EYA1: variants seen among roughly 807,000 people sequenced by gnomAD.
The protein encoded by EYA1 is EYA transcriptional coactivator and phosphatase 1.
Under a neutral mutation model 82.0 loss-of-function variants are expected in EYA1, and 16 were observed. That is an observed-to-expected ratio of 0.20 (90% CI 0.13 to 0.30). The LOEUF is 0.30. EYA1 is among the 10% of genes least tolerant of loss of function. EYA1 has a pLI of 1.00. For synonymous variants in EYA1, 261 were observed against 264.4 expected, an observed-to-expected ratio of 0.99 and a Z score of 0.12; for missense variants, 633 against 730.7, an observed-to-expected ratio of 0.87 and a Z score of 1.54.
chr8:71,381,857 G>A (rs555814986), intron 2 of EYA1, among the ~76,000 whole-genome samples: 1 of 152,142 alleles, frequency 6.6e-6, no homozygotes, highest in East Asian at 1.9e-4. Flanking sequence ...GGGATTTATT[G>A]GTATTTTAGT....
At chr8:71,316,470 G>C (rs1821940048) in intron 7 of EYA1, among the ~76,000 whole-genome samples, 1 of 152,120 alleles carries the variant, frequency 6.6e-6, no homozygotes, top group Non-Finnish European at 1.5e-5. Flanking sequence ...GATGTGAAAA[G>C]ATGATTAAAA....
At chr8:71,530,068 G>A (rs1268534928) in intron 2 of EYA1, 1 of 152,166 alleles carries the variant, frequency 6.6e-6, no homozygotes, top group East Asian at 1.9e-4. Context: ...CAGTATCTGT[G>A]ACTGTGACTT....
At chr8:71,464,198 G>A (rs1202285489) in intron 2 of EYA1, among the ~76,000 whole-genome samples, 1 of 151,954 alleles carries the variant, frequency 6.6e-6, no homozygotes, top group Non-Finnish European at 1.5e-5. Flanking sequence ...CTCTTCAAGG[G>A]GCCCCTTCCC....
chr8:71,263,011 C>A (rs993806388), intron 11 of EYA1, among the ~76,000 whole-genome samples: 3 of 152,246 alleles, frequency 2.0e-5, no homozygotes, highest in African/African-American at 7.2e-5. Flanking sequence ...AGAGCCACCA[C>A]TCACATAGCC....
chr8:71,269,312 T>C (rs910084352), intron 11 of EYA1, among the ~76,000 whole-genome samples: 7 of 152,214 alleles, frequency 4.6e-5, no homozygotes, highest in African/African-American at 1.7e-4. Context: ...TTTGTAGCAG[T>C]TGTTTTGAAG....
intron 3 of EYA1, 31 bp downstream of exon 3, chr8:71,354,751 C>G (rs1024534015): frequency 6.2e-7 from 1 of 1,607,506 alleles, no homozygotes; most frequent in Admixed American, 1.7e-5. Flanking sequence ...AAACAAGGTG[C>G]AAAGTAAATA....
intron 2 of EYA1, among the ~76,000 whole-genome samples, chr8:71,423,585 T>C (rs533684622): frequency 1.3e-5 from 2 of 152,204 alleles, no homozygotes; most frequent in Admixed American, 6.5e-5. Flanking sequence ...ATTTTCTTCA[T>C]ATTGTGATTG....
In EYA1 at chr8:71,216,690, G is replaced by A. The variant is rs727503045; in HGVS notation, c.1360+2C>T. 35 of 1,613,800 alleles carry A rather than the reference G, an allele frequency of 2.2e-5. No homozygotes were observed. The South Asian group carries it at 3.6e-4, about 17-fold the overall frequency. Reference sequence around the variant, plus strand: ...GCTGAGGTACTGGTGGTAATCACTTGCCTCCAACATTATTTTTGTAGGTGT... The same window carrying A: ...GCTGAGGTACTGGTGGTAATCACTTACCTCCAACATTATTTTTGTAGGTGT... On this transcript the variant is annotated splice_donor_variant, in intron 14 of 17. Transcript: ENST00000340726. LOFTEE classifies it low-confidence loss of function (GC_TO_GT_DONOR).
chr8:71,259,169 T>A (rs1814797317), intron 11 of EYA1, among the ~76,000 whole-genome samples: 1 of 152,168 alleles, frequency 6.6e-6, no homozygotes, highest in South Asian at 2.1e-4. Flanking sequence ...CTGAACTCTG[T>A]CTATGGTCAA....
At chr8:71,327,178 C>A (rs915440078) in intron 4 of EYA1, among the ~76,000 whole-genome samples, 1 of 152,222 alleles carries the variant, frequency 6.6e-6, no homozygotes, top group African/African-American at 2.4e-5. Context: ...AGGGCAGAGA[C>A]CCTGTCTACC....
intron 11 of EYA1, among the ~76,000 whole-genome samples, chr8:71,264,622 G>A (rs1392720557): frequency 2.0e-5 from 3 of 150,796 alleles, no homozygotes; most frequent in Non-Finnish European, 4.4e-5. Flanking sequence ...CTGTCACCCA[G>A]GCTGGAATGC....
At chr8:71,488,418 A>G (rs542557145) in intron 2 of EYA1, among the ~76,000 whole-genome samples, 69 of 152,236 alleles carry the variant, frequency 4.5e-4, no homozygotes, top group Non-Finnish European at 9.1e-4. Flanking sequence ...AAAAGAATGA[A>G]CAACTGCTAA....
At chr8:71,218,640 C>T (rs1027341778) in intron 12 of EYA1, among the ~76,000 whole-genome samples, 1 of 152,120 alleles carries the variant, frequency 6.6e-6, no homozygotes, top group African/African-American at 2.4e-5. Flanking sequence ...ATTTTAAAAA[C>T]AGGTCATTCT....
At chr8:71,537,829 G>T (rs1198368043) in intron 1 of EYA1, among the ~76,000 whole-genome samples, 1 of 152,116 alleles carries the variant, frequency 6.6e-6, no homozygotes, top group Non-Finnish European at 1.5e-5. Context: ...GAATGGTCAA[G>T]TTACATGAGC....
chr8:71,326,816 C>T (rs920522673), intron 4 of EYA1, among the ~76,000 whole-genome samples: 1 of 152,190 alleles, frequency 6.6e-6, no homozygotes, highest in East Asian at 1.9e-4. Context: ...GCCAGGAAAA[C>T]GTTGGTCTCC....
At chr8:71,499,617 G>C (rs1006009993) in intron 2 of EYA1, among the ~76,000 whole-genome samples, 2 of 152,200 alleles carry the variant, frequency 1.3e-5, no homozygotes, top group Non-Finnish European at 2.9e-5. Context: ...TTGTTTGCAG[G>C]AATGGGGGTG....
At chr8:71,410,804 C>G (rs1198879359) in intron 2 of EYA1, among the ~76,000 whole-genome samples, 2 of 145,442 alleles carry the variant, frequency 1.4e-5, no homozygotes, top group South Asian at 2.2e-4. Flanking sequence ...GCCATACTGC[C>G]CAAGGTAATT....
chr8:71,458,959 A>T (rs2129187480), intron 2 of EYA1, among the ~76,000 whole-genome samples: 1 of 152,306 alleles, frequency 6.6e-6, no homozygotes, highest in South Asian at 2.1e-4. Context: ...GGAGGGTTCT[A>T]TGACATTGAC....
intron 3 of EYA1, among the ~76,000 whole-genome samples, chr8:71,350,572 C>T (rs532788317): frequency 6.6e-6 from 1 of 152,252 alleles, no homozygotes; most frequent in South Asian, 2.1e-4. Flanking sequence ...ATTCCTGAAA[C>T]CCTATGTGCA....
Sources: allele counts gnomAD v4.1 joint callset (sites outside exome capture counted in the v4.1 genomes callset), GRCh38; gene constraint gnomAD v4.1.1; transcripts MANE v1.5; gene names NCBI Gene and HGNC (gene_info 2026-07-23, HGNC 2026-07-21).